The following UBD variants were observed in gnomAD, a reference collection of about 807,000 sequenced individuals.
The protein encoded by UBD is ubiquitin like modifier D, also known as ubiquitin D.
UBD carries 1 observed loss-of-function variant against 2.3 expected under a neutral mutation model. That is an observed-to-expected ratio of 0.43 (90% CI 0.15 to 2.06). The LOEUF is 2.06. UBD is among the 30% of genes most tolerant of loss of function. UBD has a pLI of 0.29. For synonymous variants in UBD, 75 were observed against 76.5 expected (o/e 0.98, Z 0.10); for missense variants, 175 against 199.3 (o/e 0.88, Z 0.73).
rs751369103 is a variant in UBD at position 29,555,831 on chromosome 6, A to G, written c.*49T>C. ...AGATGTGTTCGTTGAGTAAGAGATT[A>G]AAAGAAATAAGCTTTTTGACCCCTG... is the stretch of plus-strand genomic sequence containing the variant. On this transcript the variant is annotated 3_prime_UTR_variant, in exon 2 of 2. Transcript: ENST00000377050. The G allele has an allele frequency of 6.9e-6, 10 of 1,452,808 alleles. No individual in the cohort carries two copies. Among genetic ancestry groups the G allele is most frequent in the Non-Finnish European group, 9.5e-6 (10 of 1,048,006 alleles). 90.0% of individuals were successfully genotyped at this position (1,452,808 alleles called of 1,614,324 possible). A position where few individuals can be genotyped will look rare whatever the true frequency, so the allele number is the denominator to read the frequency against.
chr6:29,556,380 C>T lies in UBD; in HGVS notation c.28-30G>A, dbSNP rs118021551. On this transcript the variant is annotated intron_variant, in intron 1 of 1. Transcript: ENST00000377050. The stretch of plus-strand genomic sequence containing the variant: ...GAAGTGAAAGCCACAAGACAGTTAC[C>T]TAGGATGCCTGCCTCCTTTACACTT... 1,908 of 1,565,606 alleles carry T rather than the reference C, an allele frequency of 1.2e-3. 45 individuals carry two copies. The East Asian group carries it at 0.04, about 33-fold the overall frequency.
At chr6:29,556,561 A>C (rs1355848144) in intron 1 of UBD, 1 of 529,164 alleles carries the variant, frequency 1.9e-6, no homozygotes, top group African/African-American at 1.9e-5. Flanking sequence ...CTTTATAATC[A>C]CACCTTTTTT....
At chr6:29,558,212 A>G (rs1471072035) in intron 1 of UBD, among the ~76,000 whole-genome samples, 2 of 152,166 alleles carry the variant, frequency 1.3e-5, no homozygotes, top group Non-Finnish European at 2.9e-5. Flanking sequence ...ATTTCTATCT[A>G]ATGAGAGACA....
intron 1 of UBD, among the ~76,000 whole-genome samples, 161 bp downstream of exon 1, chr6:29,559,514 C>T (rs1018454351): frequency 7.2e-5 from 11 of 152,198 alleles, no homozygotes; most frequent in African/African-American, 2.4e-4. Context: ...GACAATCCCT[C>T]TTCCCATTCT....
intron 1 of UBD, among the ~76,000 whole-genome samples, chr6:29,558,767 A>G (rs1422793227): frequency 6.6e-6 from 1 of 152,164 alleles, no homozygotes; most frequent in East Asian, 1.9e-4. Context: ...CGAGCTGAAC[A>G]CTAGTCACTG....
In UBD at chr6:29,556,239, C is replaced by T. The variant is rs757611571; in HGVS notation, c.139G>A (p.Asp47Asn). 46 of 1,612,952 alleles carry T rather than the reference C, an allele frequency of 2.9e-5. No individual in the cohort carries two copies. The highest frequency in any genetic ancestry group is 3.9e-5 in the Non-Finnish European group (46 of 1,180,024). ...TTGGAGCCCAGCAAAAGAACCTGGT[C>T]CTGCACAGGAACCTTGGTCTTAGAC... is the stretch of plus-strand genomic sequence containing the variant. ...VRSKTKVPVQ[D>N]QVLLLGSKIL... Residue 47 changes from aspartate (D) to asparagine (N), a missense_variant, in exon 2 of 2, where the codon GAC becomes AAC. Coordinates refer to ENST00000377050, the MANE Select transcript of UBD (RefSeq NM_006398.4).
In UBD at chr6:29,556,369, A is replaced by G; in HGVS notation, c.28-19T>C. ...CATGCACCTGGGAAGTGAAAGCCACAAGACAGTTACCTAGGATGCCTGCCT... is the reference window on the plus strand; with the variant it reads ...CATGCACCTGGGAAGTGAAAGCCACGAGACAGTTACCTAGGATGCCTGCCT... On this transcript the variant is annotated intron_variant, in intron 1 of 1. Transcript: ENST00000377050. 1.3e-6 allele frequency: 2 copies of G among 1,594,586 alleles called. No individual in the cohort carries two copies. Among genetic ancestry groups the G allele is most frequent in the East Asian group, 4.5e-5 (2 of 44,628 alleles).
chr6:29,555,826 A>G lies in UBD; in HGVS notation c.*54T>C, dbSNP rs1762479889. On this transcript the variant is annotated 3_prime_UTR_variant, in exon 2 of 2. Transcript: ENST00000377050. ...TCAGAAGATGTGTTCGTTGAGTAAG[A>G]GATTAAAAGAAATAAGCTTTTTGAC... 1 of 1,385,936 alleles carries G rather than the reference A, an allele frequency of 7.2e-7. No homozygotes were observed. Among genetic ancestry groups the G allele is most frequent in the African/African-American group, 1.5e-5 (1 of 68,922 alleles). 85.9% of individuals were successfully genotyped at this position (1,385,936 alleles called of 1,614,324 possible). A position where few individuals can be genotyped will look rare whatever the true frequency, so the allele number is the denominator to read the frequency against.
At position 29,559,710 on chromosome 6, in the gene UBD, A is replaced by T; in HGVS notation, c.-9T>A. Reference sequence around the variant, plus strand: ...GAAGCATTGGGAGCCATCTCTGCAGACAAGGGGCCAGAAACCAGAGACAGA... The same window carrying T: ...GAAGCATTGGGAGCCATCTCTGCAGTCAAGGGGCCAGAAACCAGAGACAGA... On this transcript the variant is annotated 5_prime_UTR_variant, in exon 1 of 2. Transcript: ENST00000377050. The T allele has an allele frequency of 6.2e-7, 1 of 1,613,076 alleles. No homozygotes were observed. The highest frequency in any genetic ancestry group is 2.2e-5 in the East Asian group (1 of 44,886).
At chr6:29,558,567 G>A (rs1051498710) in intron 1 of UBD, among the ~76,000 whole-genome samples, 3 of 152,096 alleles carry the variant, frequency 2.0e-5, no homozygotes, top group Admixed American at 6.5e-5. Context: ...CTTACGGCTC[G>A]AGGTGAGCTT....
intron 1 of UBD, chr6:29,557,326 C>T (rs1292311545): frequency 6.6e-6 from 1 of 152,174 alleles, no homozygotes; most frequent in African/African-American, 2.4e-5. Flanking sequence ...CAAGCCATAA[C>T]TACAGTTTTA....
rs778227061 is a variant in UBD, at chr6:29,556,167, C to G, written c.211G>C (p.Glu71Gln). 3.1e-6 allele frequency: 5 copies of G among 1,613,092 alleles called. No individual in the cohort carries two copies. In the South Asian group the frequency reaches 5.5e-5, roughly 18 times the overall value. The change falls in exon 2 of 2, where the codon GAG becomes CAG. Residue 71 changes from glutamate (E) to glutamine (Q), a missense_variant. Physicochemically the swap from Glu to Gln is conservative, Grantham distance 29. Coordinates refer to ENST00000377050, the MANE Select transcript of UBD (RefSeq NM_006398.4). Reference sequence around the variant, plus strand: ...TTCAGGGTAAGGTGGATGGTCTTCTCTTTGTCAATGCCATAAGATGAGAGG... The same window carrying G: ...TTCAGGGTAAGGTGGATGGTCTTCTGTTTGTCAATGCCATAAGATGAGAGG... Reference protein sequence around the residue: ...RSLSSYGIDKEKTIHLTLKVV... With the variant: ...RSLSSYGIDKQKTIHLTLKVV...
rs1762494393 is a variant in UBD, at chr6:29,556,045, T to A, written c.333A>T (p.Ser111=). 6.2e-7 allele frequency: 1 copy of A among 1,613,006 alleles called. No homozygotes were observed. Among genetic ancestry groups the A allele is most frequent in the Non-Finnish European group, 8.5e-7 (1 of 1,180,042 alleles). ...RHLLQVRRSS[S]VAQVKAMIET... is the part of the protein sequence containing the mutation. The stretch of plus-strand genomic sequence containing the variant: ...CGATCATTGCTTTCACTTGTGCCAC[T>A]GAGCTGGACCTTCGCACCTGGAGGA... Residue 111 remains serine (S), a synonymous_variant, in exon 2 of 2, where the codon TCA becomes TCT. Coordinates refer to ENST00000377050, the MANE Select transcript of UBD (RefSeq NM_006398.4).
At position 29,556,010 on chromosome 6, in the gene UBD, G is replaced by A. The variant is rs149806360; in HGVS notation, c.368C>T (p.Thr123Met). 472 of 1,613,046 alleles carry A rather than the reference G, an allele frequency of 2.9e-4. 2 individuals carry two copies. Among genetic ancestry groups the A allele is most frequent in the African/African-American group, 2.1e-3 (156 of 75,022 alleles). ...AQVKAMIETKTGIIPETQIVT... is the reference protein window; with the variant it reads ...AQVKAMIETKMGIIPETQIVT... Reference sequence around the variant, plus strand: ...AATCTGGGTCTCAGGGATTATACCCGTCTTAGTCTCGATCATTGCTTTCAC... The same window carrying A: ...AATCTGGGTCTCAGGGATTATACCCATCTTAGTCTCGATCATTGCTTTCAC... Residue 123 changes from threonine to methionine, a missense_variant, in exon 2 of 2, where the codon ACG becomes ATG. By Grantham distance (81) the Thr-to-Met change is moderately conservative (BLOSUM62 -1). Coordinates refer to ENST00000377050, the MANE Select transcript of UBD (RefSeq NM_006398.4).
At chr6:29,558,657 C>T (rs1762647157) in intron 1 of UBD, among the ~76,000 whole-genome samples, 1 of 152,222 alleles carries the variant, frequency 6.6e-6, no homozygotes, top group Non-Finnish European at 1.5e-5. Flanking sequence ...GGCAGGGTGT[C>T]CGCTGTGCTT....
rs1762709858 is a variant in UBD, at chr6:29,559,720, A to G, written c.-19T>C. The G allele has an allele frequency of 1.2e-6, 2 of 1,613,042 alleles. No individual in the cohort carries two copies. Among genetic ancestry groups the G allele is most frequent in the Non-Finnish European group, 1.7e-6 (2 of 1,180,004 alleles). On this transcript the variant is annotated 5_prime_UTR_variant, in exon 1 of 2. Coordinates refer to ENST00000377050, the MANE Select transcript of UBD (RefSeq NM_006398.4). ...GAGCCATCTCTGCAGACAAGGGGCC[A>G]GAAACCAGAGACAGAAAAAGGACTT... is the stretch of plus-strand genomic sequence containing the variant.
At position 29,556,346 on chromosome 6, in the gene UBD, T is replaced by C. The variant is rs772353450; in HGVS notation, c.32A>G (p.His11Arg). ...TAAATCCCATTCCTCGGAACGGACA[T>C]GCACCTGGGAAGTGAAAGCCACAAG... MAPNASCLCV[H>R]VRSEEWDLMT... The change falls in exon 2 of 2, where the codon CAT becomes CGT. Residue 11 changes from histidine to arginine, a missense_variant. Physicochemically the swap from His to Arg is conservative, Grantham distance 29. Coordinates refer to ENST00000377050, the MANE Select transcript of UBD (RefSeq NM_006398.4). 8 of 1,609,304 alleles carry C rather than the reference T, an allele frequency of 5.0e-6. No homozygotes were observed. In the African/African-American group the frequency reaches 5.4e-5, roughly 11 times the overall value.
chr6:29,559,293 A>G (rs1431860639), intron 1 of UBD, among the ~76,000 whole-genome samples: 1 of 152,222 alleles, frequency 6.6e-6, no homozygotes, highest in African/African-American at 2.4e-5. Flanking sequence ...ACAACTTCAG[A>G]TGAATGAGTT....
chr6:29,555,565 G>A lies in UBD; in HGVS notation c.*315C>T, dbSNP rs115079185. 10,762 of 336,198 alleles carry A rather than the reference G, an allele frequency of 0.032. 236 individuals carry two copies. The highest frequency in any genetic ancestry group is 0.044 in the Non-Finnish European group (8,185 of 186,872). The allele number at this position is 336,198 out of a possible 1,614,324, so 20.8% of individuals were successfully genotyped here. A position where few individuals can be genotyped will look rare whatever the true frequency, so the allele number is the denominator to read the frequency against. On this transcript the variant is annotated 3_prime_UTR_variant, in exon 2 of 2. Transcript: ENST00000377050. ...TTGTCATAAAGGAAAGGAGATAGGA[G>A]TTTTTGCATAAATAACAAGGTATCA...
Sources: allele counts gnomAD v4.1 joint callset (sites outside exome capture counted in the v4.1 genomes callset), GRCh38; gene constraint gnomAD v4.1.1; transcripts MANE v1.5; gene names NCBI Gene and HGNC (gene_info 2026-07-23, HGNC 2026-07-21).